ATF7: variants seen among roughly 807,000 people sequenced by gnomAD.
ATF7 encodes the protein cyclic AMP-dependent transcription factor ATF-7.
ATF7 carries 10 observed loss-of-function variants against 50.4 expected under a neutral mutation model. The observed-to-expected ratio is 0.20, with a 90% CI of 0.12 to 0.34. ATF7 has a LOEUF of 0.34. Among genes scored for constraint, ATF7 ranks in the 10% least tolerant of loss-of-function variants. The pLI is 1.00. For synonymous variants in ATF7, 201 were observed against 226.4 expected (o/e 0.89, Z 1.01); for missense variants, 465 against 613.9 (o/e 0.76, Z 2.56).
At chr12:53,556,693 G>C (rs1445833837) in intron 2 of ATF7, among the ~76,000 whole-genome samples, 1 of 152,194 alleles carries the variant, frequency 6.6e-6, no homozygotes, top group Non-Finnish European at 1.5e-5. Flanking sequence ...TAACACTTCA[G>C]AAATTCTCTA....
intron 2 of ATF7, among the ~76,000 whole-genome samples, chr12:53,559,445 G>T (rs1356917677): frequency 6.6e-6 from 1 of 151,996 alleles, no homozygotes; most frequent in Non-Finnish European, 1.5e-5. Flanking sequence ...TTGGGAGGCA[G>T]AGGTGGGCAG....
At chr12:53,522,092 T>C (rs1938158825) in intron 11 of ATF7, among the ~76,000 whole-genome samples, 1 of 152,372 alleles carries the variant, frequency 6.6e-6, no homozygotes, top group South Asian at 2.1e-4. Flanking sequence ...GAATTGCACA[T>C]GTCCTGAGCA....
chr12:53,547,671 G>A (rs1202316184), intron 3 of ATF7, among the ~76,000 whole-genome samples: 1 of 151,066 alleles, frequency 6.6e-6, no homozygotes, highest in East Asian at 2.0e-4. Context: ...TTGAACTCCT[G>A]GGCTCAAGCA....
chr12:53,546,601 A>G (rs1939934816), intron 3 of ATF7, among the ~76,000 whole-genome samples: 1 of 151,650 alleles, frequency 6.6e-6, no homozygotes, highest in South Asian at 2.1e-4. Context: ...GGTGCATGCC[A>G]CCATGCCCGG....
chr12:53,584,153 G>T (rs776524701), intron 2 of ATF7, among the ~76,000 whole-genome samples: 1 of 152,080 alleles, frequency 6.6e-6, no homozygotes, highest in African/African-American at 2.4e-5. Flanking sequence ...GCTAATTTTT[G>T]TATTTTTAGG....
intron 2 of ATF7, among the ~76,000 whole-genome samples, chr12:53,554,591 G>A (rs1048859718): frequency 1.3e-5 from 2 of 151,750 alleles, no homozygotes; most frequent in East Asian, 3.9e-4. Context: ...GGCCAGGTGC[G>A]GTGGCTGATG....
intron 1 of ATF7, among the ~76,000 whole-genome samples, chr12:53,602,633 T>C (rs1252757596): frequency 1.3e-5 from 2 of 152,190 alleles, no homozygotes; most frequent in East Asian, 1.9e-4. Context: ...TATACGTACA[T>C]ACATGTACAT....
intron 4 of ATF7, among the ~76,000 whole-genome samples, chr12:53,542,714 C>T (rs531643816): frequency 6.6e-6 from 1 of 152,316 alleles, no homozygotes; most frequent in African/African-American, 2.4e-5. Context: ...AGCCAATGTG[C>T]TTGGCCACTT....
In ATF7 at chr12:53,515,718, A is replaced by C. The variant is rs2137301895; in HGVS notation, c.*1419T>G. 6.6e-6 allele frequency: 1 copy of C among 152,362 alleles called. No individual in the cohort carries two copies. The highest frequency in any genetic ancestry group is 2.4e-5 in the African/African-American group (1 of 41,576). 9.4% of individuals were successfully genotyped at this position (152,362 alleles called of 1,614,324 possible). A position where few individuals can be genotyped will look rare whatever the true frequency, so the allele number is the denominator to read the frequency against. ...GGTCCTTTGCTGGGACCAGTTCTGC[A>C]CTTTCCCTCTCCTCTTCCTCCCTCC... On this transcript the variant is annotated 3_prime_UTR_variant, in exon 12 of 12. Transcript: ENST00000420353.
intron 11 of ATF7, among the ~76,000 whole-genome samples, chr12:53,520,486 GATCACTTGA>G (rs1483991163): frequency 6.6e-6 from 1 of 152,124 alleles, no homozygotes; most frequent in East Asian, 1.9e-4. Context: ...GAGTGGGGAG[GATCACTTGA>G]GAGCCTGGGA....
Position 53,544,543 on chromosome 12 carries a change from T to TTG in ATF7, c.146-1097_146-1096dup, listed in dbSNP as rs528643471. ...GGGTGTATCACTTGAGGTCAGAAGT[T>TTG]TGAGACCAGCCTGGCCAACATGGTG... On this transcript the variant is annotated intron_variant, in intron 3 of 11. Transcript: ENST00000420353. Among the ~76,000 whole-genome samples the TTG allele has an allele frequency of 7.1e-4, 108 of 152,206 alleles. 1 individual carries two copies. The highest frequency in any genetic ancestry group is 2.4e-3 in the African/African-American group (101 of 41,524).
intron 11 of ATF7, among the ~76,000 whole-genome samples, chr12:53,522,137 A>C (rs1204444820): frequency 6.6e-6 from 1 of 152,226 alleles, no homozygotes; most frequent in East Asian, 1.9e-4. Flanking sequence ...GCAGTATTTT[A>C]TGTGCACTCA....
chr12:53,612,077 G>T (rs1236242900), intron 1 of ATF7, among the ~76,000 whole-genome samples: 1 of 151,882 alleles, frequency 6.6e-6, no homozygotes, highest in East Asian at 1.9e-4. Flanking sequence ...CTGGGTTCCA[G>T]CGATTCTCCC....
At chr12:53,551,797 T>C (rs979544531) in intron 3 of ATF7, among the ~76,000 whole-genome samples, 2 of 152,198 alleles carry the variant, frequency 1.3e-5, no homozygotes, top group Non-Finnish European at 2.9e-5. Context: ...AAATATTGAA[T>C]TAAGCTTGCT....
chr12:53,545,607 A>AT (rs1194021474), intron 3 of ATF7, among the ~76,000 whole-genome samples: 1 of 152,038 alleles, frequency 6.6e-6, no homozygotes, highest in East Asian at 1.9e-4. Context: ...AAGTGCTGGG[A>AT]TTATAGGCGT....
chr12:53,599,346 C>T (rs892678287), intron 2 of ATF7, among the ~76,000 whole-genome samples: 1 of 151,894 alleles, frequency 6.6e-6, no homozygotes, highest in Non-Finnish European at 1.5e-5. Flanking sequence ...TAGGAGAGAT[C>T]ATTTTTAGAA....
chr12:53,530,741 G>A (rs927263157), intron 9 of ATF7, among the ~76,000 whole-genome samples: 1 of 152,146 alleles, frequency 6.6e-6, no homozygotes, highest in African/African-American at 2.4e-5. Context: ...CTGAGTAGCT[G>A]GGATTACAGG....
chr12:53,529,172 A>G (rs375129173), intron 9 of ATF7, among the ~76,000 whole-genome samples: 2 of 152,164 alleles, frequency 1.3e-5, no homozygotes, highest in East Asian at 3.9e-4. Flanking sequence ...CCTGGGCAAC[A>G]TAGTGAGACC....
At chr12:53,557,407 G>T (rs1398087391) in intron 2 of ATF7, among the ~76,000 whole-genome samples, 1 of 152,138 alleles carries the variant, frequency 6.6e-6, no homozygotes, top group African/African-American at 2.4e-5. Context: ...TCACCATGTT[G>T]CCCAGGCTGG....
Sources: allele counts gnomAD v4.1 joint callset (sites outside exome capture counted in the v4.1 genomes callset), GRCh38; gene constraint gnomAD v4.1.1; transcripts MANE v1.5; gene names NCBI Gene and HGNC (gene_info 2026-07-23, HGNC 2026-07-21).